The following KLHL25 variants were observed in gnomAD, a reference collection of about 807,000 sequenced individuals.
KLHL25 encodes the protein kelch-like protein 25.
In KLHL25, 41 loss-of-function variants were observed where a neutral mutation model predicts 30.0. The ratio of observed to expected loss-of-function variants is 1.37; its 90% CI spans 1.07 to 1.78. KLHL25 has a LOEUF of 1.78. Ranked by LOEUF, KLHL25 falls within the 40% of genes most tolerant of loss-of-function variation. The pLI, the probability that KLHL25 is intolerant of heterozygous loss-of-function variation, is 0.00. For missense variants in KLHL25, 971 were observed against 824.5 expected (o/e 1.18, Z -2.18); for synonymous variants, 399 against 355.3 (o/e 1.12, Z -1.38).
intron 1 of KLHL25, among the ~76,000 whole-genome samples, chr15:85,776,887 C>T (rs182137665): frequency 1.3e-5 from 2 of 150,940 alleles, no homozygotes; most frequent in Admixed American, 6.6e-5. Context: ...ATGCCACCAT[C>T]GCACTCCAGC....
chr15:85,785,818 G>T (rs2089777355), intron 1 of KLHL25, among the ~76,000 whole-genome samples: 1 of 152,186 alleles, frequency 6.6e-6, no homozygotes, highest in African/African-American at 2.4e-5. Context: ...GGTAAAAATA[G>T]CAACTGCAAC....
intron 1 of KLHL25, among the ~76,000 whole-genome samples, chr15:85,784,292 G>A (rs569602850): frequency 6.6e-6 from 1 of 152,308 alleles, no homozygotes; most frequent in Non-Finnish European, 1.5e-5. Flanking sequence ...ACTTTGGGAG[G>A]CCAAGGCAGG....
chr15:85,793,121 G>T (rs2089828419), intron 1 of KLHL25, among the ~76,000 whole-genome samples: 2 of 147,062 alleles, frequency 1.4e-5, no homozygotes, highest in South Asian at 4.4e-4. Context: ...CTGGGTAATT[G>T]TTCTCTTTTC....
intron 1 of KLHL25, among the ~76,000 whole-genome samples, chr15:85,783,934 CAG>C (rs2089761991): frequency 1.3e-5 from 2 of 152,148 alleles, no homozygotes; most frequent in Admixed American, 1.3e-4. Flanking sequence ...ATCTGAAAAA[CAG>C]GGGTGACAAT....
intron 1 of KLHL25, among the ~76,000 whole-genome samples, chr15:85,784,547 TA>T (rs58604665): frequency 3.5e-5 from 5 of 141,474 alleles, no homozygotes; most frequent in African/African-American, 1.0e-4. Flanking sequence ...AATAAAAAAA[TA>T]AAAAAAAAAG....
rs1193333247 is a variant in KLHL25 at position 85,789,887 on chromosome 15, C to T, written c.-11+4879G>A. 6.6e-6 allele frequency among the ~76,000 whole-genome samples: 1 copy of T among 152,228 alleles called. No individual in the cohort carries two copies. Among genetic ancestry groups the T allele is most frequent in the African/African-American group, 2.4e-5 (1 of 41,454 alleles). On this transcript the variant is annotated intron_variant, in intron 1 of 2. Transcript: ENST00000337975. This position sits in a 1 kb window ranked among gnomAD's most constrained non-coding sequence, Gnocchi z 4.1. ...TGAGGCAGTGGGCAGGGACAGGGAA[C>T]TGCCAGAGGCTCAAGGAGAACAGCC...
chr15:85,763,002 A>T (rs1361769688), intron 2 of KLHL25: 1 of 149,046 alleles, frequency 6.7e-6, no homozygotes, highest in Non-Finnish European at 1.5e-5. Context: ...CGGCAGCCGG[A>T]TGCCTGCCTT....
intron 1 of KLHL25, among the ~76,000 whole-genome samples, chr15:85,791,628 T>G (rs1597283528): frequency 2.1e-5 from 3 of 145,832 alleles, no homozygotes; most frequent in East Asian, 2.0e-4. Context: ...GGGGCGGGGG[T>G]GAGGTGACTG....
chr15:85,792,998 G>A (rs961114819), intron 1 of KLHL25, among the ~76,000 whole-genome samples: 1 of 152,096 alleles, frequency 6.6e-6, no homozygotes, highest in African/African-American at 2.4e-5. Flanking sequence ...TTCAAACAAT[G>A]AATCAATCAA....
chr15:85,786,907 G>A (rs189261594), intron 1 of KLHL25, among the ~76,000 whole-genome samples: 2 of 152,270 alleles, frequency 1.3e-5, no homozygotes, highest in African/African-American at 4.8e-5. Flanking sequence ...AAATACAGCA[G>A]CCTAGTGGGG....
At chr15:85,772,625 G>T (rs2089684195) in intron 1 of KLHL25, among the ~76,000 whole-genome samples, 1 of 152,230 alleles carries the variant, frequency 6.6e-6, no homozygotes, top group African/African-American at 2.4e-5. Flanking sequence ...AGAGTACCCA[G>T]GCAGAGACTC....
chr15:85,791,377 C>G (rs2089815718), intron 1 of KLHL25, among the ~76,000 whole-genome samples: 1 of 151,996 alleles, frequency 6.6e-6, no homozygotes, highest in South Asian at 2.1e-4. Flanking sequence ...TGCCTGTAAT[C>G]CCAGCTACTC....
chr15:85,775,372 T>C (rs112965326), intron 1 of KLHL25, among the ~76,000 whole-genome samples: 6 of 152,292 alleles, frequency 3.9e-5, no homozygotes, highest in Non-Finnish European at 5.9e-5. Context: ...GGTGCCCTTA[T>C]GCAGTGAACA....
chr15:85,784,711 C>T (rs746071815), intron 1 of KLHL25, among the ~76,000 whole-genome samples: 10 of 152,056 alleles, frequency 6.6e-5, no homozygotes, highest in Non-Finnish European at 1.3e-4. Flanking sequence ...CTCAGTCCTA[C>T]GACCATAAGG....
chr15:85,769,504 C>A lies in KLHL25; in HGVS notation c.307G>T (p.Asp103Tyr). The A allele has an allele frequency of 6.2e-7, 1 of 1,614,004 alleles. No homozygotes were observed. The highest frequency in any genetic ancestry group is 1.6e-4 in the Middle Eastern group (1 of 6,062). The change falls in exon 2 of 3, where the codon GAC becomes TAC. Residue 103 changes from aspartate to tyrosine, a missense_variant. By Grantham distance (160) the Asp-to-Tyr change is radical. Transcript: ENST00000337975. ...GCGATGCGTGAGGAGTAGGCAAAGT[C>A]CAGCAGCAGCTCCAGCACCTCCGGG... is the stretch of plus-strand genomic sequence containing the variant. ...LHPEVLELLLDFAYSSRIAIN... is the reference protein window; with the variant it reads ...LHPEVLELLLYFAYSSRIAIN...
rs564509414 is a variant in KLHL25 at position 85,782,548 on chromosome 15, G to A, written c.-11+12218C>T. 6.2e-5 allele frequency among the ~76,000 whole-genome samples: 9 copies of A among 144,664 alleles called. No individual in the cohort carries two copies. The East Asian group carries it at 1.6e-3, about 26-fold the overall frequency. 94.9% of individuals were successfully genotyped at this position (144,664 alleles called of 152,430 possible). ...CCCTTCCTCTCATTCTCCCTGCTCAGCCCCACACCCTCACCTCCCCAATCT... is the reference window on the plus strand; with the variant it reads ...CCCTTCCTCTCATTCTCCCTGCTCAACCCCACACCCTCACCTCCCCAATCT... On this transcript the variant is annotated intron_variant, in intron 1 of 2. Transcript: ENST00000337975.
intron 2 of KLHL25, among the ~76,000 whole-genome samples, chr15:85,765,868 A>C (rs191063273): frequency 6.6e-6 from 1 of 151,948 alleles, no homozygotes; most frequent in East Asian, 1.9e-4. Context: ...AAAATAAAAG[A>C]AAAAAGAAAA....
Position 85,768,444 on chromosome 15 carries a change from C to T in KLHL25, c.1367G>A (p.Arg456Gln), listed in dbSNP as rs201379268. ...GCACTGGACCTTGGACACCATGTCC[C>T]GGTGGATGCTGGTTCCTCCGAAAAC... ...LFVFGGTSIH[R>Q]DMVSKVQCYD... is the part of the protein sequence containing the mutation. Residue 456 changes from arginine to glutamine, a missense_variant, in exon 2 of 3, where the codon CGG becomes CAG. By Grantham distance (43) the Arg-to-Gln change is conservative. Transcript: ENST00000337975. 779 of 1,613,406 alleles carry T rather than the reference C, an allele frequency of 4.8e-4. No homozygotes were observed. The highest frequency in any genetic ancestry group is 8.5e-4 in the Admixed American group (51 of 60,024).
intron 1 of KLHL25, among the ~76,000 whole-genome samples, chr15:85,773,339 G>T (rs8038207): frequency 0.36 from 54,763 of 152,144 alleles, 10,509 homozygotes; most frequent in Non-Finnish European, 0.44. Flanking sequence ...CCCAGCCACT[G>T]TCAAGACCCA....
Sources: gnomAD v4.1 joint callset for allele counts (sites outside exome capture counted in the v4.1 genomes callset) on GRCh38, gnomAD v4.1.1 for gene constraint, Gnocchi (gnomAD v3.1) non-coding constraint, MANE v1.5 for transcripts, NCBI Gene and HGNC (gene_info 2026-07-23, HGNC 2026-07-21) for gene names.